The following CELF2 variants were observed in gnomAD, a reference collection of about 807,000 sequenced individuals.
The protein encoded by CELF2 is CUG triplet repeat RNA-binding protein 2.
CELF2 carries 8 observed loss-of-function variants against 62.6 expected under a neutral mutation model. That is an observed-to-expected ratio of 0.13 (90% CI 0.07 to 0.23). CELF2 has a LOEUF of 0.23. CELF2 is among the 10% of genes least tolerant of loss of function. The pLI is 1.00. For missense variants in CELF2, 333 were observed against 671.0 expected (o/e 0.50, Z 5.56); for synonymous variants, 258 against 250.0 (o/e 1.03, Z -0.30).
the CELF2 span, among the ~76,000 whole-genome samples, chr10:10,629,861 C>CAAA: frequency 3.8e-3 from 47 of 12,340 alleles, 4 homozygotes; most frequent in East Asian, 7.4e-3. Flanking sequence ...GGCTGAAGAC[C>CAAA]AAAAAAAAAA....
At chr10:10,513,675 G>A in the CELF2 span, among the ~76,000 whole-genome samples, 2 of 152,130 alleles carry the variant, frequency 1.3e-5, no homozygotes, top group African/African-American at 4.8e-5. Flanking sequence ...TCCAAAAGGT[G>A]TATCTTAAAT....
At chr10:10,866,759 A>G (rs2060400102) in intron 1 of CELF2, among the ~76,000 whole-genome samples, 1 of 151,712 alleles carries the variant, frequency 6.6e-6, no homozygotes, top group South Asian at 2.1e-4. Flanking sequence ...CATCTTTACT[A>G]AAAACAAAAA....
At chr10:10,475,483 A>G in the CELF2 span, among the ~76,000 whole-genome samples, 42 of 152,062 alleles carry the variant, frequency 2.8e-4, no homozygotes, top group Non-Finnish European at 4.9e-4. Flanking sequence ...ACTCAAAAAA[A>G]AAAAAAAAGT....
At chr10:10,548,170 C>T in the CELF2 span, among the ~76,000 whole-genome samples, 3 of 152,172 alleles carry the variant, frequency 2.0e-5, no homozygotes, top group Non-Finnish European at 4.4e-5. Flanking sequence ...TTTCTGGGTC[C>T]CAGTTCCCTC....
Position 10,833,170 on chromosome 10 carries a change from T to G in CELF2, c.53+34353T>G, listed in dbSNP as rs536691266. Among the ~76,000 whole-genome samples the G allele has an allele frequency of 3.9e-5, 6 of 152,226 alleles. No individual in the cohort carries two copies. The South Asian group carries it at 1.2e-3, about 31-fold the overall frequency. On this transcript the variant is annotated intron_variant, in intron 1 of 13. Coordinates refer to the CELF2 transcript ENST00000636488. ...ATAAAACTTTTGTGATAACGCCTTG[T>G]GTTTACGGCTTATCTTCTCTCCAAA...
At chr10:10,844,078 T>G (rs2058856801) in intron 1 of CELF2, among the ~76,000 whole-genome samples, 1 of 152,038 alleles carries the variant, frequency 6.6e-6, no homozygotes, top group Admixed American at 6.6e-5. Flanking sequence ...ATTTTTTACT[T>G]GACTTTTCTA....
At chr10:10,542,065 C>T in the CELF2 span, among the ~76,000 whole-genome samples, 1 of 152,172 alleles carries the variant, frequency 6.6e-6, no homozygotes, top group East Asian at 1.9e-4. Flanking sequence ...GGATATACAC[C>T]TGATGATGCA....
Position 11,330,331 on chromosome 10 carries a change from A to G in CELF2, c.*1278A>G, listed in dbSNP as rs2095979202. ...AGTGTAAGAAATGCAAATTATGTGA[A>G]TGGCTCGGAGACTCCCTAATGACCT... On this transcript the variant is annotated 3_prime_UTR_variant, in exon 13 of 13. Transcript: ENST00000633077. This position sits in a 1 kb window ranked among gnomAD's most constrained non-coding sequence, Gnocchi z 4.5. 1 of 152,546 alleles carries G rather than the reference A, an allele frequency of 6.6e-6. No homozygotes were observed. Among genetic ancestry groups the G allele is most frequent in the Admixed American group, 6.5e-5 (1 of 15,276 alleles). 9.4% of individuals were successfully genotyped at this position (152,546 alleles called of 1,614,324 possible).
chr10:11,234,458 G>C (rs1301720143), intron 3 of CELF2, among the ~76,000 whole-genome samples: 1 of 152,136 alleles, frequency 6.6e-6, no homozygotes, highest in Admixed American at 6.5e-5. Context: ...CGAGGCGGGT[G>C]GATCACGAGG....
At chr10:10,950,975 A>T (rs926527132) in intron 2 of CELF2, among the ~76,000 whole-genome samples, 1 of 152,178 alleles carries the variant, frequency 6.6e-6, no homozygotes, top group Non-Finnish European at 1.5e-5. Context: ...TGTAGTGGTT[A>T]TTCTCTCATG....
At chr10:10,596,223 T>C in the CELF2 span, among the ~76,000 whole-genome samples, 1 of 150,630 alleles carries the variant, frequency 6.6e-6, no homozygotes, top group Admixed American at 6.7e-5. Flanking sequence ...GCAAGACTTT[T>C]GGAATTTGAA....
rs183066188 is a variant in CELF2 at position 11,207,409 on chromosome 10, G to A, written c.272-10016G>A. On this transcript the variant is annotated intron_variant, in intron 2 of 12. Transcript: ENST00000633077. The surrounding 1 kb of genome is among the most constrained non-coding windows in gnomAD (Gnocchi z 4.1). Reference sequence around the variant, plus strand: ...TCTTGTGGCCAGTTGACAGAAAGTTGGTCCTAGCGTGTCAAATGGAGAGTT... The same window carrying A: ...TCTTGTGGCCAGTTGACAGAAAGTTAGTCCTAGCGTGTCAAATGGAGAGTT... 3.1e-3 allele frequency among the ~76,000 whole-genome samples: 472 copies of A among 152,316 alleles called. 4 individuals are homozygous for A. The highest frequency in any genetic ancestry group is 3.7e-3 in the South Asian group (18 of 4,824).
intron 1 of CELF2, among the ~76,000 whole-genome samples, chr10:11,068,777 G>C (rs2068858335): frequency 6.6e-6 from 1 of 152,042 alleles, no homozygotes; most frequent in Non-Finnish European, 1.5e-5. Flanking sequence ...AGCCAAGATG[G>C]TCTCGATCTC....
intron 1 of CELF2, among the ~76,000 whole-genome samples, chr10:10,822,249 G>T (rs2057029575): frequency 6.6e-6 from 1 of 152,230 alleles, no homozygotes; most frequent in South Asian, 2.1e-4. Context: ...ATGCCGCCCT[G>T]TGACTTTAGC....
At chr10:10,522,721 C>T in the CELF2 span, among the ~76,000 whole-genome samples, 1 of 152,140 alleles carries the variant, frequency 6.6e-6, no homozygotes, top group Non-Finnish European at 1.5e-5. Flanking sequence ...ACGCACATGC[C>T]ACCATGCCTG....
At chr10:11,250,450 A>G (rs2076808986) in intron 4 of CELF2, among the ~76,000 whole-genome samples, 1 of 152,158 alleles carries the variant, frequency 6.6e-6, no homozygotes, top group African/African-American at 2.4e-5. Context: ...TTTTTTCTCT[A>G]CTGCTTTATC....
At chr10:10,564,664 A>ACACACACGCACACACGCG in the CELF2 span, among the ~76,000 whole-genome samples, 1 of 100,242 alleles carries the variant, frequency 1.0e-5, no homozygotes, top group Non-Finnish European at 2.0e-5. Context: ...ACACACACAC[A>ACACACACGCACACACGCG]CACACACACG....
chr10:11,318,940 T>C lies in CELF2; in HGVS notation c.1097-2249T>C. ...CCCACCCGCAGCAGACAAGGCATCA[T>C]GGTGGTGCGATGCTGCCCACCCCTC... On this transcript the variant is annotated intron_variant, in intron 10 of 12. Transcript: ENST00000633077. This position sits in a 1 kb window ranked among gnomAD's most constrained non-coding sequence, Gnocchi z 5.4. The C allele has an allele frequency of 2.1e-6, 1 of 471,146 alleles. No individual in the cohort carries two copies. Among genetic ancestry groups the C allele is most frequent in the South Asian group, 1.5e-5 (1 of 64,568 alleles). The allele number at this position is 471,146 out of a possible 1,614,324, so 29.2% of individuals were successfully genotyped here.
At chr10:11,261,678 A>T (rs543447570) in intron 5 of CELF2, among the ~76,000 whole-genome samples, 37 of 152,298 alleles carry the variant, frequency 2.4e-4, no homozygotes, top group Admixed American at 5.9e-4. Context: ...CCATTCTGCC[A>T]TCTTCTCTAA....
Sources: allele counts gnomAD v4.1 joint callset (sites outside exome capture counted in the v4.1 genomes callset), GRCh38; gene constraint gnomAD v4.1.1; non-coding constraint Gnocchi (gnomAD v3.1); transcripts MANE v1.5; gene names NCBI Gene and HGNC (gene_info 2026-07-23, HGNC 2026-07-21).